Variants in THUMPD2 observed in about 807,000 individuals in gnomAD.
THUMPD2 encodes the protein THUMP domain 2 tRNA and snRNA guanosine methyltransferase, also known as U6 snRNA (guanine-N(2))-methyltransferase THUMPD2.
THUMPD2 carries 56 observed loss-of-function variants against 49.4 expected under a neutral mutation model. The observed-to-expected ratio is 1.13, with a 90% CI of 0.91 to 1.41. The LOEUF (loss-of-function observed/expected upper bound fraction) is 1.41, where lower values mean the gene tolerates loss of function less well. Among genes scored for constraint, THUMPD2 ranks in the 40% most tolerant of loss-of-function variants. The pLI, the probability that THUMPD2 is intolerant of heterozygous loss-of-function variation, is 0.00. For missense variants in THUMPD2, 709 were observed against 594.5 expected, an observed-to-expected ratio of 1.19 and a Z score of -2.00; for synonymous variants, 237 against 205.2, an observed-to-expected ratio of 1.15 and a Z score of -1.32.
intron 8 of THUMPD2, among the ~76,000 whole-genome samples, chr2:39,753,585 G>A (rs1675709561): frequency 2.0e-5 from 3 of 152,014 alleles, no homozygotes; most frequent in South Asian, 4.1e-4. Context: ...TCTAATAATC[G>A]TGCGAAATTT....
intron 4 of THUMPD2, 24 bp from the exon 5 acceptor site, chr2:39,766,133 A>G: frequency 6.6e-7 from 1 of 1,516,206 alleles, no homozygotes; most frequent in South Asian, 1.3e-5. Context: ...CACAGAAGTT[A>G]GAATGGAACA....
At position 39,761,962 on chromosome 2, in the gene THUMPD2, C is replaced by G. The variant is rs534724431; in HGVS notation, c.804-544G>C. Among the ~76,000 whole-genome samples, 7 of 152,292 alleles carry G rather than the reference C, an allele frequency of 4.6e-5. No homozygotes were observed. The South Asian group carries it at 1.5e-3, about 32-fold the overall frequency. On this transcript the variant is annotated intron_variant, in intron 5 of 9. Transcript: ENST00000505747. ...TAATTTACTGGATGATGGGCCAAAG[C>G]AGACATCTCCCAAATGAGTTCACTG...
intron 8 of THUMPD2, among the ~76,000 whole-genome samples, chr2:39,748,493 G>A (rs1276564196): frequency 6.6e-6 from 1 of 150,622 alleles, no homozygotes; most frequent in Non-Finnish European, 1.5e-5. Flanking sequence ...ATGAGGTCAA[G>A]AGATTGAGAC....
chr2:39,765,955 T>C (rs1201140502), intron 5 of THUMPD2, 102 bp downstream of exon 5: 2 of 922,276 alleles, frequency 2.2e-6, no homozygotes, highest in Non-Finnish European at 3.4e-6. Context: ...CCTTTAGCCT[T>C]CTCTGTTATA....
chr2:39,742,171 C>A (rs1370369832), intron 9 of THUMPD2, among the ~76,000 whole-genome samples: 1 of 152,022 alleles, frequency 6.6e-6, no homozygotes, highest in East Asian at 1.9e-4. Context: ...TGCCACACTG[C>A]CTGTATAAAA....
intron 8 of THUMPD2, among the ~76,000 whole-genome samples, chr2:39,749,098 G>C (rs989497755): frequency 2.0e-5 from 3 of 152,088 alleles, no homozygotes; most frequent in Non-Finnish European, 4.4e-5. Flanking sequence ...TAAATTTCAA[G>C]TGCATTTCTG....
chr2:39,752,401 T>C (rs1454619176), intron 8 of THUMPD2, among the ~76,000 whole-genome samples: 1 of 152,222 alleles, frequency 6.6e-6, no homozygotes. Flanking sequence ...TTAATTCCTA[T>C]AGTAAAAAGG....
Position 39,736,761 on chromosome 2 carries a change from TA to T in THUMPD2, c.1485del (p.Tyr495Ter). 1 of 1,614,018 alleles carries T rather than the reference TA, an allele frequency of 6.2e-7. No individual in the cohort carries two copies. The highest frequency in any genetic ancestry group is 1.3e-5 in the African/African-American group (1 of 75,028). ...LGKTDAFICK[Y>X]KKSHSSGL ...TACAGTCCAGAAGAGTGCGACTTCTTATATTTACATATGAACGCATCTGTCT... is the reference window on the plus strand; with the variant it reads ...TACAGTCCAGAAGAGTGCGACTTCTTTATTTACATATGAACGCATCTGTCT... On this transcript the variant is annotated frameshift_variant, in exon 10 of 10. Coordinates refer to ENST00000505747, the MANE Select transcript of THUMPD2 (RefSeq NM_025264.5). LOFTEE classifies it high-confidence loss of function.
At chr2:39,756,102 A>G in intron 6 of THUMPD2, 142 bp from the exon 7 acceptor site, 1 of 687,854 alleles carries the variant, frequency 1.5e-6, no homozygotes. Flanking sequence ...AGATGGGTTC[A>G]GGGGAGGGTT....
chr2:39,736,701 A>G lies in THUMPD2; in HGVS notation c.*34T>C, dbSNP rs759955684. On this transcript the variant is annotated 3_prime_UTR_variant, in exon 10 of 10. Transcript: ENST00000505747. The stretch of plus-strand genomic sequence containing the variant: ...AACTTCTGCTGTACAGCTAACTTAC[A>G]AGGGCCTGAACCCGGCTGATGGCAG... 1.9e-6 allele frequency: 3 copies of G among 1,578,158 alleles called. No homozygotes were observed. The highest frequency in any genetic ancestry group is 2.7e-5 in the African/African-American group (2 of 73,796).
rs555356955 is a variant in THUMPD2, at chr2:39,775,681, TGAA to T, written c.126+3430_126+3432del. ...GGGAGGCTGAGGCAGGAGAATCGCT[TGAA>T]CCCAGGAGGCGGAGGTTGCAGTGAG... On this transcript the variant is annotated intron_variant, in intron 1 of 9. Coordinates refer to ENST00000505747, the MANE Select transcript of THUMPD2 (RefSeq NM_025264.5). Among the ~76,000 whole-genome samples the T allele has an allele frequency of 3.4e-5, 5 of 146,734 alleles. No individual in the cohort carries two copies. The South Asian group carries it at 6.4e-4, about 19-fold the overall frequency.
At chr2:39,771,097 C>T (rs1678256902) in intron 2 of THUMPD2, among the ~76,000 whole-genome samples, 1 of 151,948 alleles carries the variant, frequency 6.6e-6, no homozygotes, top group Admixed American at 6.6e-5. Context: ...TTTTACTATG[C>T]AGTATTTTTC....
At chr2:39,747,501 T>C (rs1674770470) in intron 8 of THUMPD2, among the ~76,000 whole-genome samples, 1 of 152,018 alleles carries the variant, frequency 6.6e-6, no homozygotes, top group African/African-American at 2.4e-5. Flanking sequence ...CAAATGAACA[T>C]TTCTGAGAAG....
chr2:39,744,268 A>C (rs879517294), intron 9 of THUMPD2, 102 bp downstream of exon 9: 7 of 586,072 alleles, frequency 1.2e-5, no homozygotes, highest in Non-Finnish European at 2.0e-5. Flanking sequence ...AAACTCTGGG[A>C]AATTGCTAAA....
intron 8 of THUMPD2, chr2:39,744,738 C>A: frequency 4.1e-6 from 1 of 243,964 alleles, no homozygotes; most frequent in Non-Finnish European, 7.8e-6. Flanking sequence ...TTTACATTAG[C>A]CAGAAAACTC....
chr2:39,775,760 CAAAAAAAAAAA>C (rs774580208), intron 1 of THUMPD2, among the ~76,000 whole-genome samples: 3 of 63,354 alleles, frequency 4.7e-5, no homozygotes, highest in South Asian at 6.4e-4. Context: ...AACACTATGT[CAAAAAAAAAAA>C]AAAAAAAAAA....
At chr2:39,774,018 T>C (rs989559987) in intron 1 of THUMPD2, among the ~76,000 whole-genome samples, 1 of 152,248 alleles carries the variant, frequency 6.6e-6, no homozygotes, top group Admixed American at 6.5e-5. Flanking sequence ...GCATAGGTTT[T>C]CTCTGAGTAC....
In THUMPD2 at chr2:39,771,640, C is replaced by G. The variant is rs780348126; in HGVS notation, c.127G>C (p.Val43Leu). The change falls in exon 2 of 10, where the codon GTT becomes CTT. Residue 43 changes from valine to leucine, a missense_variant and splice_region_variant. Transcript: ENST00000505747. ...AAAACCTTTCCTGAAATATATTCAA[C>G]CTAGAAATAGAAAAACAGCTTTTAA... is the stretch of plus-strand genomic sequence containing the variant. ...EVRARLAATQ[V>L]EYISGKVFFT... is the part of the protein sequence containing the mutation. 6.3e-7 allele frequency: 1 copy of G among 1,599,234 alleles called. No individual in the cohort carries two copies. The highest frequency in any genetic ancestry group is 8.5e-7 in the Non-Finnish European group (1 of 1,175,932).
At chr2:39,768,687 C>T in intron 3 of THUMPD2, 186 bp from the exon 4 acceptor site, 1 of 674,452 alleles carries the variant, frequency 1.5e-6, no homozygotes, top group Non-Finnish European at 2.5e-6. Flanking sequence ...TGTATTTTAC[C>T]TGCCCTAGCC....
Sources: gnomAD v4.1 joint callset for allele counts (sites outside exome capture counted in the v4.1 genomes callset) on GRCh38, gnomAD v4.1.1 for gene constraint, MANE v1.5 for transcripts, NCBI Gene and HGNC (gene_info 2026-07-23, HGNC 2026-07-21) for gene names.